Variants in IL1RAPL1 observed in about 807,000 individuals in gnomAD.
The protein encoded by IL1RAPL1 is interleukin 1 receptor accessory protein like 1.
IL1RAPL1 carries 3 observed loss-of-function variants against 48.4 expected under a neutral mutation model. That is an observed-to-expected ratio of 0.06 (90% CI 0.03 to 0.16). The LOEUF is 0.16. IL1RAPL1 is among the 10% of genes least tolerant of loss of function. The pLI is 1.00. For synonymous variants in IL1RAPL1, 185 were observed against 187.7 expected, an observed-to-expected ratio of 0.99 and a Z score of 0.12; for missense variants, 349 against 530.6, an observed-to-expected ratio of 0.66 and a Z score of 3.36.
chrX:29,149,024 A>C (rs2147496936), intron 2 of IL1RAPL1, among the ~76,000 whole-genome samples: 1 of 110,757 alleles, frequency 9.0e-6, no homozygotes, highest in East Asian at 2.8e-4. Context: ...TGCTTTACTT[A>C]GGGACAACAC....
rs777963523 is a variant in IL1RAPL1 at position 29,228,332 on chromosome X, A to AATGTGTGTGTGTGTGTGT, written c.83-54606_83-54605insATGTGTGTGTGTGTGTGT. Among the ~76,000 whole-genome samples, 178 of 79,554 alleles carry AATGTGTGTGTGTGTGTGT rather than the reference A, an allele frequency of 2.2e-3. 4 individuals are homozygous for AATGTGTGTGTGTGTGTGT. Among genetic ancestry groups the AATGTGTGTGTGTGTGTGT allele is most frequent in the African/African-American group, 3.1e-3 (66 of 21,172 alleles). 69.1% of individuals were successfully genotyped at this position (79,554 alleles called of 115,157 possible). On this transcript the variant is annotated intron_variant, in intron 2 of 10. Coordinates refer to ENST00000378993, the MANE Select transcript of IL1RAPL1 (RefSeq NM_014271.4). Reference sequence around the variant, plus strand: ...TAAACACTGTAGTTTAGTTTTGCCTAGTGTGTGTGTGTGTGTGTGTGTGTG... The same window carrying AATGTGTGTGTGTGTGTGT: ...TAAACACTGTAGTTTAGTTTTGCCTAATGTGTGTGTGTGTGTGTGTGTGTGTGTGTGTGTGTGTGTGTG...
chrX:28,594,570 A>C (rs1933935762), intron 1 of IL1RAPL1, among the ~76,000 whole-genome samples: 1 of 111,744 alleles, frequency 8.9e-6, no homozygotes, highest in South Asian at 3.7e-4. Context: ...GAAGTTTCCA[A>C]GATCTTACAA....
intron 2 of IL1RAPL1, among the ~76,000 whole-genome samples, chrX:29,023,572 G>C (rs1200386922): frequency 8.9e-6 from 1 of 112,480 alleles, no homozygotes; most frequent in African/African-American, 3.2e-5. Flanking sequence ...CTTAGATCTT[G>C]AAAAGCTTTC....
chrX:29,600,355 A>G (rs1923681671), intron 5 of IL1RAPL1, among the ~76,000 whole-genome samples: 2 of 111,819 alleles, frequency 1.8e-5, no homozygotes, highest in East Asian at 2.8e-4. Flanking sequence ...AGTGTCTGCA[A>G]AGAGTCCTGT....
chrX:28,936,994 A>G (rs142923461), intron 2 of IL1RAPL1, among the ~76,000 whole-genome samples: 1 of 111,138 alleles, frequency 9.0e-6, no homozygotes, highest in African/African-American at 3.3e-5. Context: ...AACGCTGTCA[A>G]TCTTAGCCTC....
At chrX:29,902,483 C>T in intron 6 of IL1RAPL1, among the ~76,000 whole-genome samples, 1 of 111,062 alleles carries the variant, frequency 9.0e-6, no homozygotes, top group East Asian at 2.8e-4. Flanking sequence ...TCTAGAGGAG[C>T]CATGCTACTG....
At position 29,649,337 on chromosome X, in the gene IL1RAPL1, C is replaced by T. The variant is rs762200229; in HGVS notation, c.704-19093C>T. On this transcript the variant is annotated intron_variant, in intron 5 of 10. Coordinates refer to ENST00000378993, the MANE Select transcript of IL1RAPL1 (RefSeq NM_014271.4). ...CCAATTTCCTTGATGTTTACACATG[C>T]AAAAATTCTCAACAAAATAGGAGAA... Among the ~76,000 whole-genome samples, 3 of 111,510 alleles carry T rather than the reference C, an allele frequency of 2.7e-5. No homozygotes were observed. The South Asian group carries it at 1.1e-3, about 41-fold the overall frequency.
chrX:29,637,131 A>G (rs1924995102), intron 5 of IL1RAPL1, among the ~76,000 whole-genome samples: 1 of 109,954 alleles, frequency 9.1e-6, no homozygotes, highest in Non-Finnish European at 1.9e-5. Flanking sequence ...AGAATAGTAA[A>G]TAATAAGGAA....
chrX:28,999,872 A>G (rs1368336871), intron 2 of IL1RAPL1, among the ~76,000 whole-genome samples: 2 of 112,001 alleles, frequency 1.8e-5, no homozygotes, highest in African/African-American at 6.5e-5. Flanking sequence ...CTTTTCAAAT[A>G]TAATTCAACA....
chrX:28,840,600 T>G (rs916677091), intron 2 of IL1RAPL1, among the ~76,000 whole-genome samples: 1 of 111,431 alleles, frequency 9.0e-6, no homozygotes, highest in African/African-American at 3.2e-5. Context: ...GATTTAATTT[T>G]ACATTTAAAT....
chrX:28,605,768 C>T (rs1201272866), intron 1 of IL1RAPL1, among the ~76,000 whole-genome samples: 2 of 111,236 alleles, frequency 1.8e-5, no homozygotes, highest in Non-Finnish European at 3.8e-5. Flanking sequence ...ATTTCATTTC[C>T]CCGACTCATT....
chrX:29,779,254 A>G (rs932925418), intron 6 of IL1RAPL1, among the ~76,000 whole-genome samples: 9 of 111,734 alleles, frequency 8.1e-5, no homozygotes, highest in Admixed American at 7.6e-4. Flanking sequence ...GACCTGAGAT[A>G]TCTGTTGCTT....
intron 5 of IL1RAPL1, among the ~76,000 whole-genome samples, chrX:29,602,141 AC>A (rs1569124310): frequency 7.3e-5 from 8 of 108,880 alleles, no homozygotes; most frequent in African/African-American, 2.4e-4. Flanking sequence ...GCACCACCAC[AC>A]CCTGCTAATT....
intron 8 of IL1RAPL1, among the ~76,000 whole-genome samples, chrX:29,930,258 C>CAT (rs780456334): frequency 1.8e-5 from 2 of 112,036 alleles, no homozygotes; most frequent in African/African-American, 3.2e-5. Context: ...GTTAGACTTG[C>CAT]ATTGCTGAAC....
At chrX:29,081,007 TC>T (rs1381374021) in intron 2 of IL1RAPL1, among the ~76,000 whole-genome samples, 10 of 78,499 alleles carry the variant, frequency 1.3e-4, no homozygotes, top group East Asian at 4.2e-4. Flanking sequence ...TCTCTCTCTC[TC>T]TCTCTCTCTC....
At chrX:29,500,654 G>A (rs1469235446) in intron 5 of IL1RAPL1, among the ~76,000 whole-genome samples, 1 of 111,966 alleles carries the variant, frequency 8.9e-6, no homozygotes, top group Non-Finnish European at 1.9e-5. Flanking sequence ...ATACATGGCT[G>A]AATAATATTT....
chrX:29,285,524 CAAAAAAAAAAAAAAAA>C (rs778913919), intron 3 of IL1RAPL1, among the ~76,000 whole-genome samples: 16 of 11,581 alleles, frequency 1.4e-3, no homozygotes, highest in African/African-American at 5.1e-3. Context: ...AACTCCGTCT[CAAAAAAAAAAAAAAAA>C]AAAAAAAAAA....
In IL1RAPL1 at chrX:29,193,654, C is replaced by A. The variant is rs186225030; in HGVS notation, c.83-89284C>A. 8.3e-3 allele frequency among the ~76,000 whole-genome samples: 912 copies of A among 110,496 alleles called. 6 individuals carry two copies. The highest frequency in any genetic ancestry group is 0.012 in the Non-Finnish European group (624 of 52,724). On this transcript the variant is annotated intron_variant, in intron 2 of 10. Transcript: ENST00000378993. ...CGGGTGTCATGATAAAAATGTAGAA[C>A]AAGGGAGTAATTTTATGATGATGAA...
chrX:29,903,196 G>C (rs12560177), intron 6 of IL1RAPL1, among the ~76,000 whole-genome samples: 1 of 108,618 alleles, frequency 9.2e-6, no homozygotes, highest in Non-Finnish European at 1.9e-5. Context: ...GAGAGAGAGA[G>C]AGAGAGAGAC....
Sources: gnomAD v4.1 joint callset for allele counts (sites outside exome capture counted in the v4.1 genomes callset) on GRCh38, gnomAD v4.1.1 for gene constraint, MANE v1.5 for transcripts, NCBI Gene and HGNC (gene_info 2026-07-23, HGNC 2026-07-21) for gene names.